MAST3: variants seen among roughly 807,000 people sequenced by gnomAD.
MAST3 encodes the protein microtubule associated serine/threonine kinase 3.
MAST3 carries 43 observed loss-of-function variants against 127.0 expected under a neutral mutation model. The ratio of observed to expected loss-of-function variants is 0.34; its 90% CI spans 0.27 to 0.44. MAST3 has a LOEUF of 0.44. Ranked by LOEUF, MAST3 falls within the 20% of genes least tolerant of loss-of-function variation. The pLI is 1.00. For missense variants in MAST3, 1,390 were observed against 1,919.1 expected (o/e 0.72, Z 5.15); for synonymous variants, 785 against 809.2 (o/e 0.97, Z 0.51).
In MAST3 at chr19:18,124,300, C is replaced by T; in HGVS notation, c.879C>T (p.Phe293=). The T allele has an allele frequency of 6.2e-7, 1 of 1,609,560 alleles. No individual in the cohort carries two copies. Among genetic ancestry groups the T allele is most frequent in the Non-Finnish European group, 8.5e-7 (1 of 1,177,878 alleles). ...HERSDSEEVS[F]IVQLVRKLLI... ...GTTCGGACAGTGAGGAGGTCAGCTT[C>T]ATCGTCCAGCTTGTCCGGAAACTGC... The change falls in exon 10 of 28, where the codon TTC becomes TTT. Residue 293 remains phenylalanine, a synonymous_variant. Transcript: ENST00000687212.
In MAST3 at chr19:18,144,471, A is replaced by G. The variant is rs376054997; in HGVS notation, c.2590A>G (p.Thr864Ala). ...MPKPSSLSAD[T>A]AALSHARLRS... ...TGACCCTGCTGACCCTCTAGCCGAC[A>G]CAGCTGCTCTCAGCCACGCCCGCCT... The change falls in exon 23 of 28, where the codon ACA becomes GCA. Residue 864 changes from threonine to alanine, a missense_variant. Thr to Ala is a moderately conservative substitution (Grantham distance 58). Around this residue, in one of 5 missense-constraint regions of MAST3, gnomAD observed 816 missense variants for 934.1 expected, o/e 0.87. Transcript: ENST00000687212. This position sits in a 1 kb window ranked among gnomAD's most constrained non-coding sequence, Gnocchi z 4.0. 6 of 1,565,540 alleles carry G rather than the reference A, an allele frequency of 3.8e-6. No individual in the cohort carries two copies. Among genetic ancestry groups the G allele is most frequent in the East Asian group, 2.4e-5 (1 of 41,940 alleles).
In MAST3 at chr19:18,123,846, C is replaced by T; in HGVS notation, c.634-93C>T. ...ACCCGATCGCCCCATTGCCCCATCT[C>T]CTCTCTCCCCAACCATGCCTCTCCT... On this transcript the variant is annotated intron_variant, in intron 8 of 27. Transcript: ENST00000687212. The T allele has an allele frequency of 2.2e-5, 27 of 1,255,138 alleles. 1 individual carries two copies. In the South Asian group the frequency reaches 3.5e-4, roughly 16 times the overall value. 77.8% of individuals were successfully genotyped at this position (1,255,138 alleles called of 1,614,324 possible).
In MAST3 at chr19:18,134,642, C is replaced by A; in HGVS notation, c.1635C>A (p.Leu545=). The change falls in exon 16 of 28, where the codon CTC becomes CTA. Residue 545 remains leucine (L), a synonymous_variant. Transcript: ENST00000687212. ...ACTTCGGCCTGTCCAAGATCGGCCT[C>A]ATGAGCATGGCCACCAACCTCTATG... ...LTDFGLSKIG[L]MSMATNLYEG... is the part of the protein sequence containing the mutation. 1.9e-6 allele frequency: 3 copies of A among 1,613,554 alleles called. No homozygotes were observed. The highest frequency in any genetic ancestry group is 2.5e-6 in the Non-Finnish European group (3 of 1,179,726).
chr19:18,104,179 CAAAAAAAAAAAAAAAAAAAAAAAAAAAA>C (rs56347763), intron 1 of MAST3, among the ~76,000 whole-genome samples: 1 of 43,450 alleles, frequency 2.3e-5, no homozygotes, highest in Non-Finnish European at 3.9e-5. Context: ...GACGCTGTCT[CAAAAAAAAAAAAAAAAAAAAAAAAAAAA>C]AAAAAAAAAA....
In MAST3 at chr19:18,124,632, G is replaced by A; in HGVS notation, c.946-10G>A. 1 of 1,562,542 alleles carries A rather than the reference G, an allele frequency of 6.4e-7. No homozygotes were observed. The highest frequency in any genetic ancestry group is 8.7e-7 in the Non-Finnish European group (1 of 1,155,848). ...CAAGCCCTGGGTGACCAGCCCTCCT[G>A]TGCCCCTAGGAGTTTGACCCTGAGG... On this transcript the variant is annotated splice_polypyrimidine_tract_variant and intron_variant, in intron 10 of 27. Transcript: ENST00000687212.
chr19:18,134,538 C>T, intron 15 of MAST3, 41 bp from the exon 16 acceptor site: 1 of 1,571,840 alleles, frequency 6.4e-7, no homozygotes, highest in Non-Finnish European at 8.7e-7. Context: ...GCCAGGCACC[C>T]CAGCCCCCCA....
Position 18,121,902 on chromosome 19 carries a change from A to G in MAST3, c.300A>G (p.Leu100=). ...GGAATTTCTCGGCTGCCTCTGCCCT[A>G]AATTTCCCCTTTGCCCGGAGGTGAG... ...SPRNFSAASA[L]NFPFARRADG... The change falls in exon 5 of 28, where the codon CTA becomes CTG. Residue 100 remains leucine, a synonymous_variant. Coordinates refer to ENST00000687212, the MANE Select transcript of MAST3 (RefSeq NM_001393504.1). 1 of 1,613,968 alleles carries G rather than the reference A, an allele frequency of 6.2e-7. No homozygotes were observed. The highest frequency in any genetic ancestry group is 1.1e-5 in the South Asian group (1 of 91,088).
chr19:18,127,001 C>G (rs961410022), intron 11 of MAST3, among the ~76,000 whole-genome samples: 1 of 150,618 alleles, frequency 6.6e-6, no homozygotes, highest in East Asian at 2.0e-4. Context: ...AGGATGGTCT[C>G]GATCTCCTGA....
At position 18,124,435 on chromosome 19, in the gene MAST3, C is replaced by G. The variant is rs2040356857; in HGVS notation, c.945+69C>G. On this transcript the variant is annotated intron_variant, in intron 10 of 27. Coordinates refer to ENST00000687212, the MANE Select transcript of MAST3 (RefSeq NM_001393504.1). ...TGAGATTGGGACCACAACAGTCCTGCCAAGATACAGGTGACAGTTCCCATC... is the reference window on the plus strand; with the variant it reads ...TGAGATTGGGACCACAACAGTCCTGGCAAGATACAGGTGACAGTTCCCATC... The G allele has an allele frequency of 2.2e-5, 32 of 1,451,264 alleles. No individual in the cohort carries two copies. The South Asian group carries it at 3.8e-4, about 17-fold the overall frequency. 89.9% of individuals were successfully genotyped at this position (1,451,264 alleles called of 1,614,324 possible). A position where few individuals can be genotyped will look rare whatever the true frequency, so the allele number is the denominator to read the frequency against.
At chr19:18,120,609 C>T (rs2039854341) in intron 3 of MAST3, among the ~76,000 whole-genome samples, 1 of 152,142 alleles carries the variant, frequency 6.6e-6, no homozygotes, top group Non-Finnish European at 1.5e-5. Flanking sequence ...CTATCTCAGC[C>T]CACTGCAACC....
chr19:18,098,386 A>G (rs949270566), intron 1 of MAST3, among the ~76,000 whole-genome samples: 4 of 152,030 alleles, frequency 2.6e-5, no homozygotes, highest in Non-Finnish European at 4.4e-5. Flanking sequence ...TGCGCCCTCA[A>G]CCAGCTCTCT....
In MAST3 at chr19:18,137,482, G is replaced by T. The variant is rs1407475973; in HGVS notation, c.2095+121G>T. Reference sequence around the variant, plus strand: ...CTTGGCACCTCACCTTAGGCCTGGAGCTTCCGACTTCCTGAGCCTTCCAAG... The same window carrying T: ...CTTGGCACCTCACCTTAGGCCTGGATCTTCCGACTTCCTGAGCCTTCCAAG... On this transcript the variant is annotated intron_variant, in intron 19 of 27. Coordinates refer to ENST00000687212, the MANE Select transcript of MAST3 (RefSeq NM_001393504.1). 11 of 1,117,396 alleles carry T rather than the reference G, an allele frequency of 9.8e-6. No homozygotes were observed. In the East Asian group the frequency reaches 2.4e-4, roughly 25 times the overall value. The allele number at this position is 1,117,396 out of a possible 1,614,324, so 69.2% of individuals were successfully genotyped here. A position where few individuals can be genotyped will look rare whatever the true frequency, so the allele number is the denominator to read the frequency against.
At position 18,145,955 on chromosome 19, in the gene MAST3, A is replaced by G; in HGVS notation, c.3162+90A>G. ...CCCGTGGTTCTCCGCGTCCAGACAC[A>G]CAACCCCACATTCAATGTCAACTCC... On this transcript the variant is annotated intron_variant, in intron 25 of 27. Coordinates refer to ENST00000687212, the MANE Select transcript of MAST3 (RefSeq NM_001393504.1). This position sits in a 1 kb window ranked among gnomAD's most constrained non-coding sequence, Gnocchi z 5.9. 4.9e-6 allele frequency: 7 copies of G among 1,428,534 alleles called. No homozygotes were observed. In the South Asian group the frequency reaches 9.6e-5, roughly 20 times the overall value. 88.5% of individuals were successfully genotyped at this position (1,428,534 alleles called of 1,614,324 possible).
In MAST3 at chr19:18,146,677, G is replaced by A. The variant is rs142073683; in HGVS notation, c.3163-204G>A. On this transcript the variant is annotated intron_variant, in intron 25 of 27. Coordinates refer to ENST00000687212, the MANE Select transcript of MAST3 (RefSeq NM_001393504.1). Reference sequence around the variant, plus strand: ...GCCTCGATCGGCGTTGACCGCAGAGGGAAGGATCTTAGCAGGAGGGGTGGT... The same window carrying A: ...GCCTCGATCGGCGTTGACCGCAGAGAGAAGGATCTTAGCAGGAGGGGTGGT... Among the ~76,000 whole-genome samples the A allele has an allele frequency of 2.2e-3, 331 of 152,270 alleles. 3 individuals are homozygous for A. The highest frequency in any genetic ancestry group is 3.5e-3 in the Non-Finnish European group (240 of 68,004).
intron 3 of MAST3, among the ~76,000 whole-genome samples, chr19:18,120,800 C>T (rs1388734830): frequency 6.6e-6 from 1 of 152,154 alleles, no homozygotes; most frequent in African/African-American, 2.4e-5. Flanking sequence ...GATCTCACCA[C>T]AACCTCCACC....
chr19:18,137,117 C>T (rs921177618), intron 18 of MAST3, 122 bp from the exon 19 acceptor site: 51 of 1,264,024 alleles, frequency 4.0e-5, no homozygotes, highest in African/African-American at 4.5e-5. Context: ...CCACTGCGCC[C>T]GGCCCATTTT....
At chr19:18,125,508 C>T (rs2040508664) in intron 11 of MAST3, among the ~76,000 whole-genome samples, 2 of 148,336 alleles carry the variant, frequency 1.3e-5, no homozygotes, top group African/African-American at 2.5e-5. Context: ...TTTGGGAGGC[C>T]GAGGTGGGTG....
intron 14 of MAST3, among the ~76,000 whole-genome samples, chr19:18,131,564 T>C (rs2041285458): frequency 7.5e-6 from 1 of 133,486 alleles, no homozygotes. Context: ...CTGGGTGTGG[T>C]GGTGTGCGCC....
intron 1 of MAST3, among the ~76,000 whole-genome samples, chr19:18,099,999 G>A (rs993709295): frequency 6.6e-6 from 1 of 151,976 alleles, no homozygotes; most frequent in African/African-American, 2.4e-5. Context: ...CAGGAGTGGG[G>A]GAATCAAAAA....
Sources: allele counts gnomAD v4.1 joint callset (sites outside exome capture counted in the v4.1 genomes callset), GRCh38; gene constraint gnomAD v4.1.1; regional missense constraint gnomAD v4.1.1; non-coding constraint Gnocchi (gnomAD v3.1); transcripts MANE v1.5; gene names NCBI Gene and HGNC (gene_info 2026-07-23, HGNC 2026-07-21).